Variants in ROBO1 observed in about 807,000 individuals in gnomAD.
ROBO1 encodes the protein roundabout guidance receptor 1.
ROBO1 carries 149 observed loss-of-function variants against 195.9 expected under a neutral mutation model. The ratio of observed to expected loss-of-function variants is 0.76; its 90% CI spans 0.67 to 0.87. ROBO1 has a LOEUF of 0.87. ROBO1 is among the 40% of genes least tolerant of loss of function. The pLI, the probability that ROBO1 is intolerant of heterozygous loss-of-function variation, is 0.00. For synonymous variants in ROBO1, 816 were observed against 733.2 expected (o/e 1.11, Z -1.82); for missense variants, 1,933 against 2,068.3 (o/e 0.93, Z 1.27).
chr3:79,757,750 A>G (rs1329862512), intron 1 of ROBO1, among the ~76,000 whole-genome samples: 2 of 152,194 alleles, frequency 1.3e-5, no homozygotes, highest in East Asian at 3.8e-4. Flanking sequence ...TATTTGAAAA[A>G]GAGGACATGA....
intron 2 of ROBO1, among the ~76,000 whole-genome samples, chr3:79,512,643 C>T (rs1940766029): frequency 6.6e-6 from 1 of 152,062 alleles, no homozygotes; most frequent in Non-Finnish European, 1.5e-5. Context: ...ATCACATAGA[C>T]TTTAATTACC....
chr3:78,952,598 T>A (rs2107783095), intron 3 of ROBO1, among the ~76,000 whole-genome samples: 1 of 152,058 alleles, frequency 6.6e-6, no homozygotes, highest in East Asian at 1.9e-4. Flanking sequence ...AATTACTCAC[T>A]GTGCAGAGTA....
chr3:79,389,393 CG>C (rs1160778302), intron 2 of ROBO1, among the ~76,000 whole-genome samples: 2 of 151,972 alleles, frequency 1.3e-5, no homozygotes, highest in African/African-American at 2.4e-5. Flanking sequence ...TCTTTGTGTG[CG>C]TTGCAGGGTA....
intron 2 of ROBO1, among the ~76,000 whole-genome samples, chr3:79,262,457 C>T (rs1337709225): frequency 6.6e-6 from 1 of 151,926 alleles, no homozygotes; most frequent in African/African-American, 2.4e-5. Flanking sequence ...ATTTAGAGTA[C>T]AAGAAAAGAA....
chr3:79,467,525 G>T (rs573193130), intron 2 of ROBO1, among the ~76,000 whole-genome samples: 1 of 151,780 alleles, frequency 6.6e-6, no homozygotes, highest in South Asian at 2.1e-4. Flanking sequence ...AGAAGAGAAG[G>T]AGTGTCTGAA....
chr3:78,919,500 G>A (rs1307748334), intron 4 of ROBO1, among the ~76,000 whole-genome samples: 7 of 152,166 alleles, frequency 4.6e-5, no homozygotes, highest in African/African-American at 9.7e-5. Flanking sequence ...GTGCTAACAC[G>A]GTAAGCCAAT....
Position 78,819,832 on chromosome 3 carries a change from T to C in ROBO1, c.500-72932A>G, listed in dbSNP as rs542991987. Among the ~76,000 whole-genome samples, 6 of 152,190 alleles carry C rather than the reference T, an allele frequency of 3.9e-5. No homozygotes were observed. In the East Asian group the frequency reaches 5.8e-4, roughly 15 times the overall value. Reference sequence around the variant, plus strand: ...ACCAACCCGATACACACAACACACATAGACACACACAAACCTGTTGAGAAT... The same window carrying C: ...ACCAACCCGATACACACAACACACACAGACACACACAAACCTGTTGAGAAT... On this transcript the variant is annotated intron_variant, in intron 4 of 30. Coordinates refer to ENST00000464233, the MANE Select transcript of ROBO1 (RefSeq NM_002941.4).
intron 2 of ROBO1, among the ~76,000 whole-genome samples, chr3:79,412,737 C>A (rs4234351): frequency 1 from 151,925 of 152,180 alleles, 75,835 homozygotes; most frequent in Non-Finnish European, 1. Flanking sequence ...TTCATGAAGC[C>A]GGCAAAATGT....
At chr3:78,768,748 C>T (rs541471778) in intron 4 of ROBO1, among the ~76,000 whole-genome samples, 16 of 151,754 alleles carry the variant, frequency 1.1e-4, no homozygotes, top group East Asian at 1.9e-4. Context: ...TGCGCTGGTG[C>T]GCTGCACCCA....
intron 2 of ROBO1, among the ~76,000 whole-genome samples, chr3:79,148,107 G>A (rs935153576): frequency 3.3e-5 from 5 of 151,568 alleles, no homozygotes; most frequent in African/African-American, 9.7e-5. Flanking sequence ...TATGTAGGCC[G>A]CAATAATTAT....
chr3:79,424,539 C>A (rs1426288229), intron 2 of ROBO1, among the ~76,000 whole-genome samples: 1 of 152,078 alleles, frequency 6.6e-6, no homozygotes, highest in Non-Finnish European at 1.5e-5. Flanking sequence ...ATATGCCAGG[C>A]ACTGTTCTTA....
intron 4 of ROBO1, among the ~76,000 whole-genome samples, chr3:78,932,011 G>A (rs2039558817): frequency 6.6e-6 from 1 of 152,084 alleles, no homozygotes; most frequent in East Asian, 1.9e-4. Context: ...TAAGTACTGA[G>A]AGCTTCAGTT....
intron 8 of ROBO1, among the ~76,000 whole-genome samples, chr3:78,706,499 T>A (rs1049419772): frequency 2.6e-5 from 4 of 151,918 alleles, no homozygotes; most frequent in Admixed American, 6.6e-5. Flanking sequence ...AACTCTTTTT[T>A]AAAATTATTT....
At chr3:79,626,547 T>C (rs1293748024) in intron 1 of ROBO1, among the ~76,000 whole-genome samples, 2 of 152,180 alleles carry the variant, frequency 1.3e-5, no homozygotes, top group African/African-American at 4.8e-5. Context: ...AATATCATAT[T>C]CAATGGGCAA....
intron 3 of ROBO1, among the ~76,000 whole-genome samples, chr3:78,949,232 G>A (rs967902693): frequency 7.9e-6 from 1 of 127,196 alleles, no homozygotes; most frequent in African/African-American, 3.3e-5. Flanking sequence ...AACAAAGCTG[G>A]AGGCATCACA....
intron 1 of ROBO1, among the ~76,000 whole-genome samples, chr3:79,633,167 T>C (rs1389014282): frequency 2.9e-5 from 4 of 139,124 alleles, no homozygotes; most frequent in East Asian, 2.1e-4. Flanking sequence ...TTTTTACATA[T>C]GTATATTTGC....
intron 2 of ROBO1, among the ~76,000 whole-genome samples, chr3:79,447,277 G>T (rs1393515636): frequency 6.6e-6 from 1 of 152,046 alleles, no homozygotes; most frequent in African/African-American, 2.4e-5. Flanking sequence ...GAGAATGTAT[G>T]GTCTGGACCA....
intron 2 of ROBO1, among the ~76,000 whole-genome samples, chr3:79,494,390 T>C (rs1939621081): frequency 6.6e-6 from 1 of 152,124 alleles, no homozygotes; most frequent in African/African-American, 2.4e-5. Flanking sequence ...TTCCTTAACC[T>C]CAATGAAGTT....
intron 2 of ROBO1, among the ~76,000 whole-genome samples, chr3:79,201,871 C>G (rs1436168678): frequency 6.7e-6 from 1 of 149,532 alleles, no homozygotes; most frequent in East Asian, 1.9e-4. Context: ...ATAATATCTA[C>G]ATCTATTGAT....
Sources: gnomAD v4.1 joint callset for allele counts (sites outside exome capture counted in the v4.1 genomes callset) on GRCh38, gnomAD v4.1.1 for gene constraint, MANE v1.5 for transcripts, NCBI Gene and HGNC (gene_info 2026-07-23, HGNC 2026-07-21) for gene names.